Variants in NFASC observed in about 807,000 individuals in gnomAD.
NFASC encodes the protein neurofascin.
Under a neutral mutation model 147.5 loss-of-function variants are expected in NFASC, and 43 were observed. That is an observed-to-expected ratio of 0.29 (90% confidence interval 0.23 to 0.38). NFASC has a LOEUF of 0.38. Ranked by LOEUF, NFASC falls within the 10% of genes least tolerant of loss-of-function variation. The probability of loss-of-function intolerance (pLI) is 1.00; values close to 1 mark genes in which losing one functional copy is unlikely to be tolerated. For synonymous variants in NFASC, 622 were observed against 665.5 expected, an observed-to-expected ratio of 0.93 and a Z score of 1.01; for missense variants, 1,320 against 1,689.0, an observed-to-expected ratio of 0.78 and a Z score of 3.83.
At chr1:204,872,575 G>A (rs539295969) in intron 1 of NFASC, among the ~76,000 whole-genome samples, 1 of 152,296 alleles carries the variant, frequency 6.6e-6, no homozygotes, top group South Asian at 2.1e-4. Flanking sequence ...GAATGACCCA[G>A]TGTCCTCCAC....
chr1:204,937,366 A>G (rs1340997448), intron 2 of NFASC, among the ~76,000 whole-genome samples: 1 of 152,186 alleles, frequency 6.6e-6, no homozygotes, highest in African/African-American at 2.4e-5. Flanking sequence ...ATGGGTTTGG[A>G]CAAATGTATT....
intron 1 of NFASC, among the ~76,000 whole-genome samples, chr1:204,837,501 C>T (rs1054172000): frequency 2.0e-5 from 3 of 152,180 alleles, no homozygotes; most frequent in Non-Finnish European, 4.4e-5. Context: ...TTTGAAGCTT[C>T]ATAGCTGAAC....
chr1:204,995,343 TGTGTGTGTGTATGTGTGTCG>T (rs1441993797), intron 24 of NFASC, among the ~76,000 whole-genome samples: 418 of 151,560 alleles, frequency 2.8e-3, no homozygotes, highest in African/African-American at 9.5e-3. Flanking sequence ...TGTGTGTGTG[TGTGTGTGTGTATGTGTGTCG>T]GTGGGTGGGG....
intron 1 of NFASC, among the ~76,000 whole-genome samples, chr1:204,863,863 A>G (rs1240408147): frequency 1.3e-5 from 2 of 149,772 alleles, no homozygotes; most frequent in African/African-American, 2.5e-5. Context: ...AAAAAAAAAA[A>G]GAAAGAAGGA....
chr1:204,944,643 T>C (rs1234387578), intron 3 of NFASC: 6 of 498,176 alleles, frequency 1.2e-5, no homozygotes, highest in African/African-American at 2.0e-5. Flanking sequence ...GAGCTGATGC[T>C]TGGGGTGCCT....
At chr1:204,947,367 T>A (rs1165480146) in intron 3 of NFASC, among the ~76,000 whole-genome samples, 1 of 152,182 alleles carries the variant, frequency 6.6e-6, no homozygotes, top group Non-Finnish European at 1.5e-5. Flanking sequence ...CATCCAGCCC[T>A]GGGCTGAAGG....
Position 205,002,746 on chromosome 1 carries a change from C to A in NFASC, c.3287C>A (p.Thr1096Lys). 6.7e-7 allele frequency: 1 copy of A among 1,497,240 alleles called. No individual in the cohort carries two copies. The highest frequency in any genetic ancestry group is 9.1e-7 in the Non-Finnish European group (1 of 1,104,356). 92.7% of individuals were successfully genotyped at this position (1,497,240 alleles called of 1,614,324 possible). ...SSTVITFMTS[T>K]AYTNNQADIA... ...ACCGTCATCACCTTTATGACCAGTA[C>A]AGGTGAGAGGGGACCTGGCCTGGCC... Residue 1096 changes from threonine (T) to lysine (K), a missense_variant and splice_region_variant, in exon 27 of 30, where the codon ACA becomes AAA. By Grantham distance (78) the Thr-to-Lys change is moderately conservative. Coordinates refer to ENST00000339876, the MANE Select transcript of NFASC (RefSeq NM_001005388.3).
At position 204,966,394 on chromosome 1, in the gene NFASC, A is replaced by G. The variant is rs79418495; in HGVS notation, c.707-1855A>G. On this transcript the variant is annotated intron_variant, in intron 8 of 29. Coordinates refer to ENST00000339876, the MANE Select transcript of NFASC (RefSeq NM_001005388.3). ...GAGTATGACGACTTAGCTGGGACCT[A>G]CCTCTTCCACAGAATCCCAGGGTTC... Among the ~76,000 whole-genome samples, 1,374 of 152,150 alleles carry G rather than the reference A, an allele frequency of 9.0e-3. 11 individuals are homozygous for G. The highest frequency in any genetic ancestry group is 0.032 in the African/African-American group (1,313 of 41,480).
chr1:204,875,565 G>A (rs546437705), intron 1 of NFASC, among the ~76,000 whole-genome samples: 42 of 152,336 alleles, frequency 2.8e-4, no homozygotes, highest in African/African-American at 1.0e-3. Flanking sequence ...TCTGCAAAGT[G>A]ATTGCAGATT....
At chr1:205,008,989 A>G (rs1159473058) in intron 27 of NFASC, 1 of 170,538 alleles carries the variant, frequency 5.9e-6, no homozygotes, top group Non-Finnish European at 1.3e-5. Context: ...CTGGGCCTCC[A>G]CTTGGTCCAG....
chr1:204,878,277 C>T (rs1437090458), intron 1 of NFASC, among the ~76,000 whole-genome samples: 2 of 151,644 alleles, frequency 1.3e-5, no homozygotes, highest in African/African-American at 4.9e-5. Flanking sequence ...TGAGGAGAGT[C>T]TCAGAGAGGT....
chr1:205,012,994 ACT>A (rs1477913990), intron 29 of NFASC, 128 bp downstream of exon 29: 1 of 692,410 alleles, frequency 1.4e-6, no homozygotes. Flanking sequence ...TTGGGCTGTG[ACT>A]CTGCCTCTCT....
chr1:204,958,937 C>T (rs902744900), intron 8 of NFASC, among the ~76,000 whole-genome samples: 1 of 152,128 alleles, frequency 6.6e-6, no homozygotes, highest in East Asian at 1.9e-4. Context: ...TTCCTTCCTC[C>T]CTATCCCTGC....
chr1:204,997,565 T>C (rs2095874252), intron 25 of NFASC, 159 bp downstream of exon 25: 3 of 789,004 alleles, frequency 3.8e-6, no homozygotes, highest in African/African-American at 1.7e-5. Flanking sequence ...CGTGACTGGA[T>C]GCTCAGTCCC....
intron 1 of NFASC, among the ~76,000 whole-genome samples, chr1:204,844,017 C>T (rs1239495230): frequency 2.6e-5 from 4 of 152,150 alleles, no homozygotes; most frequent in African/African-American, 9.7e-5. Flanking sequence ...GGATTACAGG[C>T]ATGAGCCACT....
chr1:204,997,353 C>A lies in NFASC; in HGVS notation c.2966C>A (p.Thr989Asn). The change falls in exon 25 of 30, where the codon ACC becomes AAC. Residue 989 changes from threonine (T) to asparagine (N), a missense_variant. By Grantham distance (65) the Thr-to-Asn change is moderately conservative (BLOSUM62 0). Coordinates refer to ENST00000339876, the MANE Select transcript of NFASC (RefSeq NM_001005388.3). ...TTTTTTAAAT[T>N]TTESPPTTTS... ...ACTACAACCACTGCTGCCGCCACCA[C>A]CACCACGGAGAGTCCTCCCACCACC... 6.4e-7 allele frequency: 1 copy of A among 1,557,762 alleles called. No individual in the cohort carries two copies. Among genetic ancestry groups the A allele is most frequent in the Non-Finnish European group, 8.7e-7 (1 of 1,150,544 alleles).
chr1:204,856,073 A>C (rs2076125719), intron 1 of NFASC, among the ~76,000 whole-genome samples: 1 of 152,118 alleles, frequency 6.6e-6, no homozygotes, highest in African/African-American at 2.4e-5. Flanking sequence ...CCGCCAGTCC[A>C]CGGCTAGGGC....
At chr1:204,894,739 G>A (rs2083068757) in intron 1 of NFASC, among the ~76,000 whole-genome samples, 1 of 152,130 alleles carries the variant, frequency 6.6e-6, no homozygotes, top group African/African-American at 2.4e-5. Flanking sequence ...TCACCTTCAA[G>A]CTTGTTTTCT....
At chr1:204,980,255 T>C in intron 19 of NFASC, 115 bp from the exon 20 acceptor site, 2 of 779,390 alleles carry the variant, frequency 2.6e-6, no homozygotes. Context: ...TATACATAGA[T>C]GCCGAGGAAA....
Sources: allele counts gnomAD v4.1 joint callset (sites outside exome capture counted in the v4.1 genomes callset), GRCh38; gene constraint gnomAD v4.1.1; transcripts MANE v1.5; gene names NCBI Gene and HGNC (gene_info 2026-07-23, HGNC 2026-07-21).